Variants in DNAAF4 observed in about 807,000 individuals in gnomAD.
DNAAF4 encodes dynein axonemal assembly factor 4, also known as dynein assembly factor 4, axonemal.
DNAAF4 carries 43 observed loss-of-function variants against 51.8 expected under a neutral mutation model. The observed-to-expected ratio is 0.83, with a 90% CI of 0.65 to 1.07. DNAAF4 has a LOEUF of 1.07. Among genes scored for constraint, DNAAF4 ranks in the 50% least tolerant of loss-of-function variants. The pLI is 0.00. For synonymous variants in DNAAF4, 194 were observed against 165.6 expected, an observed-to-expected ratio of 1.17 and a Z score of -1.32; for missense variants, 581 against 493.0, an observed-to-expected ratio of 1.18 and a Z score of -1.69.
intron 5 of DNAAF4, among the ~76,000 whole-genome samples, chr15:55,456,803 T>C (rs2058027042): frequency 1.3e-5 from 2 of 152,110 alleles, no homozygotes; most frequent in South Asian, 4.1e-4. Flanking sequence ...GAAATAGATT[T>C]AGGTAGCTGA....
rs527380083 is a variant in DNAAF4, at chr15:55,477,660, G to GTGTA, written c.406-10500_406-10499insTACA. 1.8e-3 allele frequency among the ~76,000 whole-genome samples: 269 copies of GTGTA among 150,638 alleles called. 2 individuals carry two copies. Among genetic ancestry groups the GTGTA allele is most frequent in the African/African-American group, 6.2e-3 (256 of 41,106 alleles). On this transcript the variant is annotated intron_variant, in intron 4 of 9. Transcript: ENST00000321149. ...TGTATGTATGTATGCGTGTGTGTGT[G>GTGTA]TATATATATATATACATATATACAC...
chr15:55,498,447 C>T lies in DNAAF4; in HGVS notation c.-118G>A. On this transcript the variant is annotated 5_prime_UTR_variant, in exon 2 of 10. Coordinates refer to ENST00000321149, the MANE Select transcript of DNAAF4 (RefSeq NM_130810.4). ...CGGGTCAGGCCGGCCGGGAGCCCGG[C>T]GTTCCCAGCGTGCTCCGGCGCCAGC... The T allele has an allele frequency of 8.3e-6, 12 of 1,443,716 alleles. No individual in the cohort carries two copies. The highest frequency in any genetic ancestry group is 1.1e-5 in the Non-Finnish European group (12 of 1,093,366). 89.4% of individuals were successfully genotyped at this position (1,443,716 alleles called of 1,614,324 possible).
chr15:55,451,415 A>G (rs950363495), intron 5 of DNAAF4, among the ~76,000 whole-genome samples: 6 of 152,230 alleles, frequency 3.9e-5, no homozygotes, highest in African/African-American at 1.2e-4. Context: ...TTGCTCACTC[A>G]TAATGGCAAA....
At chr15:55,448,886 T>A (rs12591412) in intron 6 of DNAAF4, among the ~76,000 whole-genome samples, 71,388 of 150,336 alleles carry the variant, frequency 0.47, 17,694 homozygotes, top group African/African-American at 0.59. Flanking sequence ...TAATAATAAT[T>A]ATTATTATTA....
intron 7 of DNAAF4, among the ~76,000 whole-genome samples, chr15:55,425,079 G>C (rs534295409): frequency 7.2e-5 from 11 of 151,796 alleles, no homozygotes; most frequent in African/African-American, 2.7e-4. Context: ...TGGTCAGGCT[G>C]ATCTTGAACT....
chr15:55,422,739 G>A (rs1463382956), intron 7 of DNAAF4, among the ~76,000 whole-genome samples: 1 of 152,164 alleles, frequency 6.6e-6, no homozygotes, highest in South Asian at 2.1e-4. Flanking sequence ...GCTCACACCT[G>A]TAATCCCAGA....
intron 6 of DNAAF4, 35 bp from the exon 7 acceptor site, chr15:55,439,616 A>T: frequency 6.4e-7 from 1 of 1,567,102 alleles, no homozygotes. Flanking sequence ...AAGAATAAAA[A>T]GGTCTTTTTT....
intron 4 of DNAAF4, among the ~76,000 whole-genome samples, chr15:55,477,768 G>A (rs1475206900): frequency 6.6e-6 from 1 of 151,708 alleles, no homozygotes; most frequent in East Asian, 1.9e-4. Context: ...AAAGAGCTTA[G>A]AAGCTGTCAC....
At chr15:55,480,317 A>T (rs1293081701) in intron 4 of DNAAF4, among the ~76,000 whole-genome samples, 4 of 152,138 alleles carry the variant, frequency 2.6e-5, no homozygotes, top group Non-Finnish European at 5.9e-5. Flanking sequence ...CTACGTTGAA[A>T]TACTGGGGGT....
At chr15:55,423,976 G>A (rs372797534) in intron 7 of DNAAF4, among the ~76,000 whole-genome samples, 1 of 152,252 alleles carries the variant, frequency 6.6e-6, no homozygotes. Context: ...TGTAATCTCA[G>A]CTACTTGGGA....
At chr15:55,443,579 G>T (rs941829026) in intron 6 of DNAAF4, among the ~76,000 whole-genome samples, 3 of 152,232 alleles carry the variant, frequency 2.0e-5, no homozygotes, top group African/African-American at 7.2e-5. Flanking sequence ...GGATGGCTGG[G>T]TCAAATGGTA....
intron 5 of DNAAF4, among the ~76,000 whole-genome samples, chr15:55,457,065 G>A (rs1327477876): frequency 3.3e-5 from 5 of 152,186 alleles, no homozygotes; most frequent in African/African-American, 1.2e-4. Flanking sequence ...GTACAGATGC[G>A]AGTGCAGAAG....
chr15:55,473,198 A>AAAAAAATATATATATATATATAT (rs1209754897), intron 4 of DNAAF4, among the ~76,000 whole-genome samples: 1 of 75,750 alleles, frequency 1.3e-5, no homozygotes, highest in African/African-American at 5.4e-5. Context: ...AAAAAAAAAA[A>AAAAAAATATATATATATATATAT]ATATATATAT....
At chr15:55,428,368 T>C (rs887071388), downstream of DNAAF4, among the ~76,000 whole-genome samples, 57 of 151,932 alleles carry the variant, frequency 3.8e-4, no homozygotes, top group African/African-American at 1.2e-3. Context: ...GTTTAAACTA[T>C]ACACTAAGTT....
At chr15:55,465,467 T>A (rs1459293358) in intron 5 of DNAAF4, among the ~76,000 whole-genome samples, 2 of 148,662 alleles carry the variant, frequency 1.3e-5, no homozygotes, top group Non-Finnish European at 1.5e-5. Flanking sequence ...TAAAAAGGAA[T>A]AAAATAATGG....
rs752123191 is a variant in DNAAF4, at chr15:55,430,644, C to T, written c.*26G>A. 2.5e-6 allele frequency: 4 copies of T among 1,602,666 alleles called. No individual in the cohort carries two copies. The highest frequency in any genetic ancestry group is 1.3e-5 in the African/African-American group (1 of 74,466). ...CCAGTTGTTTTTAAAAAACTTATAA[C>T]AATACTTAGTTACTTCTAATAGTCA... On this transcript the variant is annotated 3_prime_UTR_variant, in exon 10 of 10. Coordinates refer to ENST00000321149, the MANE Select transcript of DNAAF4 (RefSeq NM_130810.4).
At chr15:55,447,718 C>T (rs1411399460) in intron 6 of DNAAF4, among the ~76,000 whole-genome samples, 1 of 146,554 alleles carries the variant, frequency 6.8e-6, no homozygotes, top group African/African-American at 2.5e-5. Context: ...AGGGAGGTGG[C>T]AGCGAGCCGA....
At chr15:55,478,080 C>G (rs1052418514) in intron 4 of DNAAF4, among the ~76,000 whole-genome samples, 4 of 152,126 alleles carry the variant, frequency 2.6e-5, no homozygotes, top group Non-Finnish European at 5.9e-5. Flanking sequence ...CTCACTGCCC[C>G]TGTCCAGGAA....
At chr15:55,484,322 A>T (rs530813816) in intron 4 of DNAAF4, among the ~76,000 whole-genome samples, 1 of 151,912 alleles carries the variant, frequency 6.6e-6, no homozygotes, top group Non-Finnish European at 1.5e-5. Context: ...TCTCTACTAA[A>T]AATACAAAAA....
Sources: gnomAD v4.1 joint callset for allele counts (sites outside exome capture counted in the v4.1 genomes callset) on GRCh38, gnomAD v4.1.1 for gene constraint, MANE v1.5 for transcripts, NCBI Gene and HGNC (gene_info 2026-07-23, HGNC 2026-07-21) for gene names.